COLEC12: variants seen among roughly 807,000 people sequenced by gnomAD.
COLEC12 encodes the protein collectin subfamily member 12.
In COLEC12, 33 loss-of-function variants were observed where a neutral mutation model predicts 71.1. That is an observed-to-expected ratio of 0.46 (90% CI 0.35 to 0.62). The LOEUF (loss-of-function observed/expected upper bound fraction) is 0.62, where lower values mean the gene tolerates loss of function less well. Among genes scored for constraint, COLEC12 ranks in the 20% least tolerant of loss-of-function variants. The probability of loss-of-function intolerance (pLI) is 0.00; values close to 1 mark genes in which losing one functional copy is unlikely to be tolerated. For missense variants in COLEC12, 765 were observed against 916.1 expected (o/e 0.84, Z 2.13); for synonymous variants, 350 against 353.0 (o/e 0.99, Z 0.10).
chr18:349,263 TGAA>T (rs1567880441), intron 3 of COLEC12, among the ~76,000 whole-genome samples: 1 of 152,232 alleles, frequency 6.6e-6, no homozygotes, highest in Non-Finnish European at 1.5e-5. Context: ...CAGCCATGGC[TGAA>T]AGGGGCCAAT....
In COLEC12 at chr18:360,343, C is replaced by T. The variant is rs139588571; in HGVS notation, c.59-2821G>A. ...GATTACAGGTGCCCACGACCACACA[C>T]GGCTACTTTTTGTATTTTTAGTAGA... On this transcript the variant is annotated intron_variant, in intron 2 of 9. Transcript: ENST00000400256. 1.3e-3 allele frequency among the ~76,000 whole-genome samples: 198 copies of T among 152,122 alleles called. 1 individual carries two copies. Among genetic ancestry groups the T allele is most frequent in the African/African-American group, 4.3e-3 (177 of 41,504 alleles).
chr18:418,841 C>T (rs1175802142), intron 2 of COLEC12, among the ~76,000 whole-genome samples: 2 of 152,260 alleles, frequency 1.3e-5, no homozygotes, highest in Admixed American at 6.5e-5. Context: ...CTCAGGGCTA[C>T]TCTATGCAGT....
At chr18:479,291 G>A (rs914462385) in intron 2 of COLEC12, among the ~76,000 whole-genome samples, 1 of 152,152 alleles carries the variant, frequency 6.6e-6, no homozygotes, top group African/African-American at 2.4e-5. Flanking sequence ...GAGGGGCGAC[G>A]GGGCTGCACG....
At chr18:413,510 A>AC (rs2143639971) in intron 2 of COLEC12, among the ~76,000 whole-genome samples, 1 of 53,046 alleles carries the variant, frequency 1.9e-5, no homozygotes, top group East Asian at 6.7e-4. Context: ...CTTATTCTAG[A>AC]GAAGGATGAT....
intron 5 of COLEC12, among the ~76,000 whole-genome samples, chr18:336,663 A>G (rs1914125244): frequency 6.6e-6 from 1 of 152,166 alleles, no homozygotes; most frequent in Admixed American, 6.5e-5. Flanking sequence ...TTGTTCGAGG[A>G]TACTTAGCTA....
At chr18:443,826 A>C (rs1916593394) in intron 2 of COLEC12, among the ~76,000 whole-genome samples, 1 of 152,070 alleles carries the variant, frequency 6.6e-6, no homozygotes, top group Admixed American at 6.6e-5. Context: ...TCTCTGAATG[A>C]CTTGGTGTTA....
rs1913865121 is a variant in COLEC12 at position 327,186 on chromosome 18, G to C, written c.2063+4482C>G. On this transcript the variant is annotated intron_variant, in intron 8 of 9. Coordinates refer to ENST00000400256, the MANE Select transcript of COLEC12 (RefSeq NM_130386.3). This position sits in a 1 kb window ranked among gnomAD's most constrained non-coding sequence, Gnocchi z 4.0. ...GAAATGAGAAGAATAAGGACAATGT[G>C]TGTGTGTGTGAATGTAAGATGGCCA... Among the ~76,000 whole-genome samples, 1 of 152,194 alleles carries C rather than the reference G, an allele frequency of 6.6e-6. No homozygotes were observed. The highest frequency in any genetic ancestry group is 2.1e-4 in the South Asian group (1 of 4,824).
chr18:484,224 T>A (rs939885913), intron 1 of COLEC12, among the ~76,000 whole-genome samples: 1 of 152,218 alleles, frequency 6.6e-6, no homozygotes, highest in African/African-American at 2.4e-5. Flanking sequence ...TCCTGAAATT[T>A]CCCTGGGAAC....
chr18:464,564 C>A (rs1371106490), intron 2 of COLEC12, among the ~76,000 whole-genome samples: 1 of 152,206 alleles, frequency 6.6e-6, no homozygotes, highest in Non-Finnish European at 1.5e-5. Flanking sequence ...CTGGTTCCCC[C>A]CACTTTCTGC....
chr18:394,770 G>A (rs564513187), intron 2 of COLEC12, among the ~76,000 whole-genome samples: 6 of 152,266 alleles, frequency 3.9e-5, no homozygotes, highest in African/African-American at 7.2e-5. Flanking sequence ...CCGCAGAAGC[G>A]CCACTTGACT....
chr18:322,239 C>G (rs1410692457), intron 8 of COLEC12, among the ~76,000 whole-genome samples: 2 of 152,200 alleles, frequency 1.3e-5, no homozygotes, highest in African/African-American at 4.8e-5. Context: ...TGTGAGAACC[C>G]AGAGGGACCT....
At chr18:359,792 C>G (rs1289926714) in intron 2 of COLEC12, among the ~76,000 whole-genome samples, 1 of 152,216 alleles carries the variant, frequency 6.6e-6, no homozygotes, top group Non-Finnish European at 1.5e-5. Context: ...ACATAAAGGA[C>G]TGATCTATAA....
intron 2 of COLEC12, among the ~76,000 whole-genome samples, chr18:393,223 C>T (rs936172275): frequency 1.3e-5 from 2 of 152,146 alleles, no homozygotes; most frequent in African/African-American, 2.4e-5. Flanking sequence ...ATTGCTAGTG[C>T]GGGGATATTG....
intron 1 of COLEC12, among the ~76,000 whole-genome samples, chr18:485,891 G>A (rs546303966): frequency 1.2e-4 from 18 of 152,108 alleles, no homozygotes; most frequent in Admixed American, 2.6e-4. Flanking sequence ...GTTCTGGTTC[G>A]GACTCCTCCA....
At chr18:402,589 G>A (rs541573104) in intron 2 of COLEC12, among the ~76,000 whole-genome samples, 2 of 152,202 alleles carry the variant, frequency 1.3e-5, no homozygotes, top group Non-Finnish European at 2.9e-5. Context: ...GCTGCACCTG[G>A]GAAATCTAGC....
chr18:451,660 T>A (rs1009320364), intron 2 of COLEC12, among the ~76,000 whole-genome samples: 1 of 151,986 alleles, frequency 6.6e-6, no homozygotes, highest in Non-Finnish European at 1.5e-5. Context: ...GGCAGGAGAA[T>A]TGCTGGAACC....
At chr18:498,169 G>A (rs1432741525) in intron 1 of COLEC12, among the ~76,000 whole-genome samples, 2 of 152,036 alleles carry the variant, frequency 1.3e-5, no homozygotes, top group African/African-American at 4.8e-5. Context: ...GGATTGAAAT[G>A]TCTACTCTCA....
At chr18:404,870 A>G (rs1915755412) in intron 2 of COLEC12, among the ~76,000 whole-genome samples, 1 of 152,214 alleles carries the variant, frequency 6.6e-6, no homozygotes, top group Non-Finnish European at 1.5e-5. Context: ...ATAAGGTCTG[A>G]CTGCCTGCGG....
At chr18:486,325 C>G (rs1002353635) in intron 1 of COLEC12, among the ~76,000 whole-genome samples, 2 of 152,148 alleles carry the variant, frequency 1.3e-5, no homozygotes, top group Admixed American at 1.3e-4. Flanking sequence ...GCTGGGATTA[C>G]AGGCCTGCGC....
Sources: allele counts gnomAD v4.1 joint callset (sites outside exome capture counted in the v4.1 genomes callset), GRCh38; gene constraint gnomAD v4.1.1; non-coding constraint Gnocchi (gnomAD v3.1); transcripts MANE v1.5; gene names NCBI Gene and HGNC (gene_info 2026-07-23, HGNC 2026-07-21).